The following TPR variants were observed in gnomAD, a reference collection of about 807,000 sequenced individuals.
TPR encodes nucleoprotein TPR.
Under a neutral mutation model 316.1 loss-of-function variants are expected in TPR, and 51 were observed. The observed-to-expected ratio is 0.16, with a 90% CI of 0.13 to 0.20. The LOEUF is 0.20. Ranked by LOEUF, TPR falls within the 10% of genes least tolerant of loss-of-function variation. The pLI, the probability that TPR is intolerant of heterozygous loss-of-function variation, is 1.00. For missense variants in TPR, 2,272 were observed against 2,754.8 expected (o/e 0.82, Z 3.92); for synonymous variants, 981 against 914.7 (o/e 1.07, Z -1.31).
intron 20 of TPR, 96 bp from the exon 21 acceptor site, chr1:186,350,484 A>G: frequency 2.1e-6 from 2 of 940,490 alleles, no homozygotes; most frequent in Non-Finnish European, 3.0e-6. Flanking sequence ...CGGCCAAGAG[A>G]GTAACAGAAA....
chr1:186,327,993 C>G (rs1239180306), intron 39 of TPR, among the ~76,000 whole-genome samples: 1 of 152,078 alleles, frequency 6.6e-6, no homozygotes, highest in African/African-American at 2.4e-5. Context: ...CCATGTTGGC[C>G]AGGCTGGTCT....
At chr1:186,317,625 T>C (rs753924702) in intron 48 of TPR, 25 bp from the exon 49 acceptor site, 2 of 1,588,006 alleles carry the variant, frequency 1.3e-6, no homozygotes, top group African/African-American at 1.3e-5. Flanking sequence ...AATGAGAAAA[T>C]ACAAAACTGA....
At chr1:186,350,956 GC>G (rs1360019272) in intron 20 of TPR, among the ~76,000 whole-genome samples, 1 of 152,152 alleles carries the variant, frequency 6.6e-6, no homozygotes, top group African/African-American at 2.4e-5. Flanking sequence ...CCCCACAATT[GC>G]AATGGACACT....
intron 5 of TPR, 80 bp downstream of exon 5, chr1:186,363,262 T>C (rs1659247337): frequency 8.3e-6 from 10 of 1,204,488 alleles, no homozygotes; most frequent in Admixed American, 6.6e-5. Flanking sequence ...AATTACTTTA[T>C]TGCCTATATT....
At chr1:186,318,644 G>C (rs1372141394) in intron 47 of TPR, 41 bp from the exon 48 acceptor site, 1 of 1,603,614 alleles carries the variant, frequency 6.2e-7, no homozygotes, top group Non-Finnish European at 8.5e-7. Context: ...TTAAAACTTT[G>C]TGGTTTATCA....
Position 186,318,843 on chromosome 1 carries a change from G to A in TPR, c.6569-15C>T. On this transcript the variant is annotated splice_polypyrimidine_tract_variant and intron_variant, in intron 46 of 50. Transcript: ENST00000367478. ...CATTCCTAAACCTAAAGACAATTCT[G>A]AATATTAATGAATGACTGAAAAAAA... 11 of 1,602,862 alleles carry A rather than the reference G, an allele frequency of 6.9e-6. No individual in the cohort carries two copies. Among genetic ancestry groups the A allele is most frequent in the Non-Finnish European group, 9.4e-6 (11 of 1,173,388 alleles).
intron 29 of TPR, among the ~76,000 whole-genome samples, 163 bp from the exon 30 acceptor site, chr1:186,339,935 G>C (rs990861516): frequency 3.3e-5 from 5 of 151,930 alleles, no homozygotes; most frequent in South Asian, 2.1e-4. Context: ...GCTTTGGCTT[G>C]TTTGGCTAAG....
chr1:186,356,033 T>TA, intron 15 of TPR, among the ~76,000 whole-genome samples: 1 of 152,210 alleles, frequency 6.6e-6, no homozygotes, highest in Middle Eastern at 3.2e-3. Flanking sequence ...TTTTGGTCAT[T>TA]AAAACATAAC....
Position 186,314,667 on chromosome 1 carries a change from C to T in TPR, c.6998G>A (p.Arg2333Lys), listed in dbSNP as rs374924424. The change falls in exon 50 of 51, where the codon AGA (arginine) becomes AAA (lysine). Residue 2333 changes from arginine to lysine, a missense_variant. This residue lies in a region of TPR where 123 missense variants were observed against 142.3 expected (regional missense o/e 0.86). Transcript: ENST00000367478. Reference protein sequence around the residue: ...FRRVRLQTTLRQGVRGRQFNR... With the variant: ...FRRVRLQTTLKQGVRGRQFNR... ...AAACTGACGACCACGGACACCTTGT[C>T]TCAATGTTGTCTGAAGTCTTACTCG... The T allele has an allele frequency of 4.2e-5, 68 of 1,612,690 alleles. No homozygotes were observed. The highest frequency in any genetic ancestry group is 5.3e-5 in the Non-Finnish European group (63 of 1,179,270).
chr1:186,340,343 T>C (rs997361057), intron 29 of TPR, among the ~76,000 whole-genome samples: 2 of 152,198 alleles, frequency 1.3e-5, no homozygotes, highest in Non-Finnish European at 2.9e-5. Context: ...AACCACAGTA[T>C]GTTACATGGT....
intron 21 of TPR, among the ~76,000 whole-genome samples, chr1:186,349,799 A>C: frequency 6.6e-6 from 1 of 152,210 alleles, no homozygotes; most frequent in East Asian, 1.9e-4. Context: ...GCTACCAACG[A>C]GCAAATATTG....
At chr1:186,342,128 A>G (rs1658526478) in intron 27 of TPR, 1 of 152,078 alleles carries the variant, frequency 6.6e-6, no homozygotes, top group Non-Finnish European at 1.5e-5. Flanking sequence ...TGCCACCACC[A>G]TGCCCAGCTA....
chr1:186,320,560 T>A, intron 45 of TPR, 142 bp from the exon 46 acceptor site: 1 of 717,952 alleles, frequency 1.4e-6, no homozygotes, highest in African/African-American at 1.8e-5. Flanking sequence ...CTATTTATTT[T>A]AAAGGGTTTC....
At chr1:186,324,211 T>C (rs1557988885) in intron 42 of TPR, among the ~76,000 whole-genome samples, 1 of 152,006 alleles carries the variant, frequency 6.6e-6, no homozygotes, top group Non-Finnish European at 1.5e-5. Flanking sequence ...CGACCTATGA[T>C]AAACATTAAA....
Position 186,337,061 on chromosome 1 carries a change from A to G in TPR, c.4458T>C (p.Ala1486=). 6.2e-7 allele frequency: 1 copy of G among 1,613,900 alleles called. No individual in the cohort carries two copies. The highest frequency in any genetic ancestry group is 1.1e-5 in the South Asian group (1 of 91,066). Residue 1486 remains alanine (A), a synonymous_variant, in exon 32 of 51, where the codon GCT becomes GCC. Transcript: ENST00000367478. ...MQELKETLNQ[A]ETKSKSLESQ... ...TTTCAAGTGATTTTGATTTTGTTTC[A>G]GCTTGGTTGAGCGTTTCTTTGAGTT...
rs114268220 is a variant in TPR, at chr1:186,334,925, T to C, written c.4973+143A>G. On this transcript the variant is annotated intron_variant, in intron 35 of 50. Transcript: ENST00000367478. ...TGAAAACAAGCTGGCAAATACATGA[T>C]ACAGTTCTGCAGAGAAAACAACTCT... 2.2e-3 allele frequency: 1,743 copies of C among 791,140 alleles called. 24 individuals are homozygous for C. In the African/African-American group the frequency reaches 0.023, roughly 10 times the overall value. 49.0% of individuals were successfully genotyped at this position (791,140 alleles called of 1,614,324 possible). A position where few individuals can be genotyped will look rare whatever the true frequency, so the allele number is the denominator to read the frequency against.
At position 186,348,446 on chromosome 1, in the gene TPR, A is replaced by G. The variant is rs542721770; in HGVS notation, c.2777-988T>C. Among the ~76,000 whole-genome samples, 3 of 152,304 alleles carry G rather than the reference A, an allele frequency of 2.0e-5. No homozygotes were observed. The East Asian group carries it at 5.8e-4, about 29-fold the overall frequency. On this transcript the variant is annotated intron_variant, in intron 21 of 50. Transcript: ENST00000367478. ...AGATGTTTATCAAGACAATACATGCAGGGCTGAACACAGACCCTTATCAGT... is the reference window on the plus strand; with the variant it reads ...AGATGTTTATCAAGACAATACATGCGGGGCTGAACACAGACCCTTATCAGT...
intron 30 of TPR, among the ~76,000 whole-genome samples, chr1:186,339,008 CATG>C (rs1224234655): frequency 3.3e-5 from 5 of 152,032 alleles, no homozygotes; most frequent in African/African-American, 1.2e-4. Flanking sequence ...TAAATGGGAC[CATG>C]ATATGGACAA....
chr1:186,342,923 C>G (rs1008050788), intron 27 of TPR: 1 of 154,334 alleles, frequency 6.5e-6, no homozygotes, highest in Non-Finnish European at 1.4e-5. Context: ...TGACTATCCA[C>G]ACGTATAATC....
Sources: allele counts gnomAD v4.1 joint callset (sites outside exome capture counted in the v4.1 genomes callset), GRCh38; gene constraint gnomAD v4.1.1; regional missense constraint gnomAD v4.1.1; transcripts MANE v1.5; gene names NCBI Gene and HGNC (gene_info 2026-07-23, HGNC 2026-07-21).